Variants in CLIP2 observed in about 807,000 individuals in gnomAD.
CLIP2 encodes CAP-Gly domain containing linker protein 2.
Under a neutral mutation model 111.7 loss-of-function variants are expected in CLIP2, and 41 were observed. The observed-to-expected ratio is 0.37, with a 90% confidence interval of 0.29 to 0.48. The LOEUF (loss-of-function observed/expected upper bound fraction) is 0.48. Among genes scored for constraint, CLIP2 ranks in the 20% least tolerant of loss-of-function variants. The pLI is 0.99. For synonymous variants in CLIP2, 660 were observed against 644.2 expected (o/e 1.02, Z -0.37); for missense variants, 1,160 against 1,422.1 (o/e 0.82, Z 2.96).
intron 13 of CLIP2, among the ~76,000 whole-genome samples, chr7:74,391,196 G>A (rs1554315811): frequency 6.6e-6 from 1 of 152,070 alleles, no homozygotes; most frequent in African/African-American, 2.4e-5. Context: ...TTTGCAATTT[G>A]CTCTTTTGGT....
chr7:74,304,341 A>G (rs1178645776), intron 1 of CLIP2, among the ~76,000 whole-genome samples: 1 of 151,976 alleles, frequency 6.6e-6, no homozygotes, highest in Non-Finnish European at 1.5e-5. Flanking sequence ...AGCCTGGCCA[A>G]CATAGTGAAA....
At position 74,370,412 on chromosome 7, in the gene CLIP2, C is replaced by T. The variant is rs186383910; in HGVS notation, c.1381-2520C>T. 2.4e-3 allele frequency among the ~76,000 whole-genome samples: 354 copies of T among 150,576 alleles called. 1 individual carries two copies. The highest frequency in any genetic ancestry group is 7.7e-3 in the African/African-American group (315 of 41,006). On this transcript the variant is annotated intron_variant, in intron 8 of 16. Coordinates refer to ENST00000223398, the MANE Select transcript of CLIP2 (RefSeq NM_003388.5). ...CAGAGGTTGCAGTGAGCCAAGATCG[C>T]GCCACTGCACTCCAGCCTGGGCAAC... is the stretch of plus-strand genomic sequence containing the variant.
intron 13 of CLIP2, among the ~76,000 whole-genome samples, chr7:74,392,410 T>C (rs782077661): frequency 6.6e-5 from 10 of 150,754 alleles, no homozygotes; most frequent in Admixed American, 1.3e-4. Flanking sequence ...CACACGCCTG[T>C]GGGTCCCAGC....
chr7:74,362,446 C>T (rs1422176631), intron 7 of CLIP2, among the ~76,000 whole-genome samples: 1 of 151,830 alleles, frequency 6.6e-6, no homozygotes, highest in South Asian at 2.1e-4. Context: ...TTGCCTGAGA[C>T]AGCCATAGTG....
At chr7:74,371,000 C>T (rs945491120) in intron 8 of CLIP2, among the ~76,000 whole-genome samples, 1 of 152,082 alleles carries the variant, frequency 6.6e-6, no homozygotes, top group East Asian at 1.9e-4. Context: ...GTAATCCCAG[C>T]ACTTTGGGAG....
intron 7 of CLIP2, among the ~76,000 whole-genome samples, chr7:74,361,134 T>G (rs1554309634): frequency 7.8e-6 from 1 of 128,982 alleles, no homozygotes; most frequent in Non-Finnish European, 1.7e-5. Flanking sequence ...CTCCCTCCAT[T>G]CATTCCTTCC....
chr7:74,308,701 C>G (rs1788560723), intron 1 of CLIP2, among the ~76,000 whole-genome samples: 1 of 152,000 alleles, frequency 6.6e-6, no homozygotes, highest in Non-Finnish European at 1.5e-5. Flanking sequence ...GACAGGGTTT[C>G]ACCACGTTGG....
At chr7:74,329,926 C>A (rs1264024257) in intron 2 of CLIP2, among the ~76,000 whole-genome samples, 2 of 150,766 alleles carry the variant, frequency 1.3e-5, no homozygotes, top group Non-Finnish European at 3.0e-5. Context: ...ATTACAAGCG[C>A]GCGCCACCAC....
intron 3 of CLIP2, among the ~76,000 whole-genome samples, chr7:74,345,173 G>A (rs1368609146): frequency 6.6e-6 from 1 of 152,126 alleles, no homozygotes; most frequent in Non-Finnish European, 1.5e-5. Context: ...TTTTAATTGG[G>A]GAGCTGGATT....
intron 12 of CLIP2, among the ~76,000 whole-genome samples, chr7:74,387,050 G>T (rs1437336776): frequency 6.6e-6 from 1 of 150,680 alleles, no homozygotes; most frequent in Non-Finnish European, 1.5e-5. Flanking sequence ...AAAGGGCCAG[G>T]GCCAGGTCAC....
At chr7:74,400,809 T>C (rs1162485626) in intron 15 of CLIP2, among the ~76,000 whole-genome samples, 1 of 122,594 alleles carries the variant, frequency 8.2e-6, no homozygotes, top group African/African-American at 3.2e-5. Context: ...CGGGTCTGAA[T>C]GGGGAGGTAG....
At chr7:74,315,328 A>G (rs1554728991) in intron 1 of CLIP2, among the ~76,000 whole-genome samples, 1 of 151,458 alleles carries the variant, frequency 6.6e-6, no homozygotes, top group African/African-American at 2.4e-5. Flanking sequence ...TTCTGAGGTT[A>G]CTGTACTAGC....
intron 1 of CLIP2, among the ~76,000 whole-genome samples, chr7:74,304,504 T>C (rs1554727368): frequency 6.9e-6 from 1 of 145,332 alleles, no homozygotes; most frequent in Non-Finnish European, 1.5e-5. Context: ...CCAACCTGGG[T>C]GACAGAGGGA....
intron 2 of CLIP2, among the ~76,000 whole-genome samples, chr7:74,321,601 T>A (rs1466185264): frequency 6.6e-6 from 1 of 151,984 alleles, no homozygotes; most frequent in African/African-American, 2.4e-5. Context: ...CCCAAGTAGC[T>A]GGGATTACAG....
At chr7:74,344,482 A>G (rs557190) in intron 3 of CLIP2, among the ~76,000 whole-genome samples, 92,872 of 151,956 alleles carry the variant, frequency 0.61, 30,347 homozygotes, top group Middle Eastern at 0.74. Context: ...CTTAGGCTCA[A>G]GCGATCCTCC....
At chr7:74,370,116 A>G (rs1790570465) in intron 8 of CLIP2, among the ~76,000 whole-genome samples, 1 of 65,550 alleles carries the variant, frequency 1.5e-5, no homozygotes, top group Admixed American at 1.5e-4. Flanking sequence ...GGCTCCCTCC[A>G]CTGCACTCCA....
chr7:74,365,935 T>C (rs1790462555), intron 8 of CLIP2, among the ~76,000 whole-genome samples: 1 of 151,972 alleles, frequency 6.6e-6, no homozygotes, highest in Non-Finnish European at 1.5e-5. Context: ...TGTATTTTTT[T>C]TTGTAGAGGC....
At chr7:74,345,216 C>G (rs1789770092) in intron 3 of CLIP2, among the ~76,000 whole-genome samples, 1 of 152,046 alleles carries the variant, frequency 6.6e-6, no homozygotes, top group African/African-American at 2.4e-5. Flanking sequence ...CTTGGGGTGT[C>G]AAGAGAAATT....
At chr7:74,316,884 A>G (rs1307531245) in intron 1 of CLIP2, among the ~76,000 whole-genome samples, 1 of 151,770 alleles carries the variant, frequency 6.6e-6, no homozygotes, top group Non-Finnish European at 1.5e-5. Context: ...TTTAATGACC[A>G]TAGTCAGCAT....
Sources: gnomAD v4.1 joint callset for allele counts (sites outside exome capture counted in the v4.1 genomes callset) on GRCh38, gnomAD v4.1.1 for gene constraint, MANE v1.5 for transcripts, NCBI Gene and HGNC (gene_info 2026-07-23, HGNC 2026-07-21) for gene names.